The following SPON1 variants were observed in gnomAD, a reference collection of about 807,000 sequenced individuals.
The protein encoded by SPON1 is spondin-1.
Under a neutral mutation model 111.7 loss-of-function variants are expected in SPON1, and 52 were observed. The observed-to-expected ratio is 0.47, with a 90% CI of 0.37 to 0.59. The LOEUF (loss-of-function observed/expected upper bound fraction) is 0.59, where lower values mean the gene tolerates loss of function less well. Ranked by LOEUF, SPON1 falls within the 20% of genes least tolerant of loss-of-function variation. The pLI is 0.00. For synonymous variants in SPON1, 410 were observed against 395.8 expected (o/e 1.04, Z -0.43); for missense variants, 957 against 1,068.5 (o/e 0.90, Z 1.46).
intron 5 of SPON1, among the ~76,000 whole-genome samples, chr11:14,118,181 C>T (rs1282363960): frequency 6.6e-6 from 1 of 152,124 alleles, no homozygotes; most frequent in Non-Finnish European, 1.5e-5. Flanking sequence ...TAAATACAAG[C>T]TCCTAGATTT....
chr11:14,140,000 GA>G (rs1449123347), intron 6 of SPON1, among the ~76,000 whole-genome samples: 1 of 152,176 alleles, frequency 6.6e-6, no homozygotes, highest in African/African-American at 2.4e-5. Flanking sequence ...AAGGAGGCTG[GA>G]GAGTTGAATG....
At chr11:14,146,434 G>A in intron 6 of SPON1, among the ~76,000 whole-genome samples, 1 of 152,140 alleles carries the variant, frequency 6.6e-6, no homozygotes, top group African/African-American at 2.4e-5. Context: ...ACAGGCGTGA[G>A]CCACCACACC....
intron 5 of SPON1, among the ~76,000 whole-genome samples, chr11:14,107,144 C>T (rs1039952083): frequency 2.0e-5 from 3 of 152,168 alleles, no homozygotes; most frequent in African/African-American, 7.2e-5. Flanking sequence ...CATTTTACAT[C>T]TGGCTCCTTG....
chr11:13,962,761 C>A lies in SPON1; in HGVS notation c.-144C>A. 1 of 723,338 alleles carries A rather than the reference C, an allele frequency of 1.4e-6. No individual in the cohort carries two copies. Among genetic ancestry groups the A allele is most frequent in the Non-Finnish European group, 2.1e-6 (1 of 477,326 alleles). The allele number at this position is 723,338 out of a possible 1,614,324, so 44.8% of individuals were successfully genotyped here. A position where few individuals can be genotyped will look rare whatever the true frequency, so the allele number is the denominator to read the frequency against. ...TCCGCGGCCGCCAAGCCGAGGCGGGCACGGTCTCCGAGTCGCGGACGCCAG... is the reference window on the plus strand; with the variant it reads ...TCCGCGGCCGCCAAGCCGAGGCGGGAACGGTCTCCGAGTCGCGGACGCCAG... On this transcript the variant is annotated 5_prime_UTR_variant, in exon 1 of 16. Transcript: ENST00000576479.
chr11:14,191,691 A>G (rs1848349293), intron 6 of SPON1, among the ~76,000 whole-genome samples: 1 of 152,222 alleles, frequency 6.6e-6, no homozygotes, highest in Admixed American at 6.5e-5. Context: ...TTAAGAAAAC[A>G]GCCTGTGCAT....
At chr11:14,240,193 T>C (rs1036505068) in intron 6 of SPON1, among the ~76,000 whole-genome samples, 35 of 152,214 alleles carry the variant, frequency 2.3e-4, no homozygotes, top group Non-Finnish European at 5.0e-4. Flanking sequence ...AACAATCTAC[T>C]GAGCGGCCGT....
chr11:14,248,027 A>G (rs1213460750), intron 7 of SPON1, among the ~76,000 whole-genome samples: 1 of 152,256 alleles, frequency 6.6e-6, no homozygotes, highest in Non-Finnish European at 1.5e-5. Flanking sequence ...CAAAGGACAC[A>G]GCAAAGGAGC....
At chr11:14,154,998 G>T (rs561877510) in intron 6 of SPON1, among the ~76,000 whole-genome samples, 9 of 152,268 alleles carry the variant, frequency 5.9e-5, no homozygotes, top group African/African-American at 2.2e-4. Flanking sequence ...CTTTGCTAAG[G>T]CATAGCAAGA....
At chr11:14,106,682 A>G (rs1216799289) in intron 5 of SPON1, among the ~76,000 whole-genome samples, 1 of 152,212 alleles carries the variant, frequency 6.6e-6, no homozygotes, top group Non-Finnish European at 1.5e-5. Context: ...GACAAAGGGT[A>G]TAGGAAATCG....
At chr11:14,065,090 A>G (rs1848821822) in intron 3 of SPON1, among the ~76,000 whole-genome samples, 1 of 152,074 alleles carries the variant, frequency 6.6e-6, no homozygotes, top group Admixed American at 6.5e-5. Context: ...CTCCAACCCC[A>G]CCTAAAGAGC....
intron 9 of SPON1, 87 bp from the exon 10 acceptor site, chr11:14,256,530 G>T: frequency 1.1e-6 from 1 of 870,222 alleles, no homozygotes; most frequent in Non-Finnish European, 1.9e-6. Flanking sequence ...ACAGAATGGC[G>T]ATTAGATTTT....
At chr11:14,068,620 G>A (rs568115708) in intron 3 of SPON1, among the ~76,000 whole-genome samples, 228 of 152,238 alleles carry the variant, frequency 1.5e-3, no homozygotes, top group Non-Finnish European at 2.5e-3. Context: ...CAAAGTTCCC[G>A]TCCCTGGTTT....
intron 6 of SPON1, among the ~76,000 whole-genome samples, chr11:14,168,353 A>T (rs1848055639): frequency 6.6e-6 from 1 of 152,228 alleles, no homozygotes; most frequent in Admixed American, 6.5e-5. Context: ...CACGTGAACA[A>T]AAAGGCATTA....
Position 14,166,115 on chromosome 11 carries a change from A to C in SPON1, c.825+30547A>C, listed in dbSNP as rs1036382433. On this transcript the variant is annotated intron_variant, in intron 6 of 15. Transcript: ENST00000576479. ...CACAAGGTATGAGGCCAGATTCCCC[A>C]ATGGACTTTAATTGGCTCTATAAGT... Among the ~76,000 whole-genome samples the C allele has an allele frequency of 2.6e-5, 4 of 152,204 alleles. No individual in the cohort carries two copies. The East Asian group carries it at 5.8e-4, about 22-fold the overall frequency.
chr11:14,265,558 ATGCACCAAAC>A lies in SPON1; in HGVS notation c.2298_2307del (p.Thr767AlafsTer10). ...TGCGCCCATGGACGGCCTGGTCAGA[ATGCACCAAAC>A]TGTGCGGAGGTGGAATTCAGGAACG... On this transcript the variant is annotated frameshift_variant, in exon 16 of 16. Coordinates refer to ENST00000576479, the MANE Select transcript of SPON1 (RefSeq NM_006108.4). LOFTEE classifies it high-confidence loss of function. 3 of 1,613,756 alleles carry A rather than the reference ATGCACCAAAC, an allele frequency of 1.9e-6. No homozygotes were observed. The highest frequency in any genetic ancestry group is 2.5e-6 in the Non-Finnish European group (3 of 1,179,830).
chr11:14,193,969 C>T (rs1193081189), intron 6 of SPON1, among the ~76,000 whole-genome samples: 3 of 152,158 alleles, frequency 2.0e-5, no homozygotes, highest in Non-Finnish European at 2.9e-5. Flanking sequence ...CTCTGAAAGG[C>T]AGCAGTTTAC....
chr11:14,015,910 G>T (rs924733374), intron 2 of SPON1, among the ~76,000 whole-genome samples: 2 of 152,200 alleles, frequency 1.3e-5, no homozygotes, highest in African/African-American at 4.8e-5. Context: ...GCAGGCTGGG[G>T]TAAGTTCATG....
At chr11:14,154,253 A>T (rs896389227) in intron 6 of SPON1, among the ~76,000 whole-genome samples, 1 of 152,218 alleles carries the variant, frequency 6.6e-6, no homozygotes, top group Non-Finnish European at 1.5e-5. Flanking sequence ...CTGCACTGTC[A>T]TAGTAGAGGT....
chr11:14,162,264 A>G (rs1360435501), intron 6 of SPON1, among the ~76,000 whole-genome samples: 1 of 152,182 alleles, frequency 6.6e-6, no homozygotes, highest in Non-Finnish European at 1.5e-5. Flanking sequence ...GAGGGGGGAA[A>G]CACTAACCAA....
Sources: allele counts gnomAD v4.1 joint callset (sites outside exome capture counted in the v4.1 genomes callset), GRCh38; gene constraint gnomAD v4.1.1; transcripts MANE v1.5; gene names NCBI Gene and HGNC (gene_info 2026-07-23, HGNC 2026-07-21).